TENM2: variants seen among roughly 807,000 people sequenced by gnomAD.
The protein encoded by TENM2 is teneurin-2.
A neutral mutation model predicts 245.2 loss-of-function variants in TENM2; 52 were observed. The ratio of observed to expected loss-of-function variants is 0.21; its 90% CI spans 0.17 to 0.27. TENM2 has a LOEUF of 0.27. TENM2 is among the 10% of genes least tolerant of loss of function. The probability of loss-of-function intolerance (pLI) is 1.00; values close to 1 mark genes in which losing one functional copy is unlikely to be tolerated. For synonymous variants in TENM2, 1,363 were observed against 1,438.9 expected (o/e 0.95, Z 1.19); for missense variants, 3,046 against 3,666.8 (o/e 0.83, Z 4.37).
At chr5:168,073,752 G>A (rs963320831) in intron 7 of TENM2, among the ~76,000 whole-genome samples, 1 of 152,162 alleles carries the variant, frequency 6.6e-6, no homozygotes, top group East Asian at 1.9e-4. Flanking sequence ...CGAGACTTAC[G>A]GTTTCTAACT....
chr5:167,626,855 G>T (rs551141900), intron 2 of TENM2, among the ~76,000 whole-genome samples: 1 of 152,252 alleles, frequency 6.6e-6, no homozygotes, highest in East Asian at 1.9e-4. Context: ...TTCTGTAGCT[G>T]CATCCCCAAA....
rs59536770 is a variant in TENM2, at chr5:168,122,173, T to TTTTTGTTTTG, written c.2009-2667_2009-2658dup. On this transcript the variant is annotated intron_variant, in intron 10 of 28. Transcript: ENST00000518659. ...AAAGGCCCTGCACAGACCTTTGTCTTTTTTGTTTTGTTTTGTTTTTTGAGA... is the reference window on the plus strand; with the variant it reads ...AAAGGCCCTGCACAGACCTTTGTCTTTTTTGTTTTGTTTTGTTTTGTTTTGTTTTTTGAGA... 8.4e-4 allele frequency among the ~76,000 whole-genome samples: 128 copies of TTTTTGTTTTG among 151,730 alleles called. No homozygotes were observed. The East Asian group carries it at 0.023, about 27-fold the overall frequency.
At chr5:167,644,056 T>G (rs989999530) in intron 2 of TENM2, among the ~76,000 whole-genome samples, 2 of 152,194 alleles carry the variant, frequency 1.3e-5, no homozygotes, top group Non-Finnish European at 2.9e-5. Flanking sequence ...TGCAATATAG[T>G]TACCCTCTCA....
chr5:167,083,623 G>A, the TENM2 span, among the ~76,000 whole-genome samples: 97 of 152,192 alleles, frequency 6.4e-4, 1 homozygote, highest in African/African-American at 2.1e-3. Context: ...GTGAAATGCC[G>A]GTAGCACAAA....
intron 2 of TENM2, among the ~76,000 whole-genome samples, chr5:167,814,139 A>C (rs769802203): frequency 6.6e-6 from 1 of 152,158 alleles, no homozygotes. Flanking sequence ...CCAGGGGCCA[A>C]TTGCTAATGC....
chr5:167,941,372 C>A (rs1479312449), intron 3 of TENM2, among the ~76,000 whole-genome samples: 2 of 152,146 alleles, frequency 1.3e-5, no homozygotes, highest in Non-Finnish European at 2.9e-5. Context: ...CATTGTCCAC[C>A]ATTGGACAGT....
intron 7 of TENM2, among the ~76,000 whole-genome samples, chr5:168,084,125 G>A (rs189723591): frequency 1.1e-4 from 16 of 152,272 alleles, no homozygotes; most frequent in Middle Eastern, 3.4e-3. Flanking sequence ...ATAGTATTCC[G>A]TGGTGTATAT....
At chr5:167,756,391 C>T (rs968330537) in intron 2 of TENM2, among the ~76,000 whole-genome samples, 6 of 152,102 alleles carry the variant, frequency 3.9e-5, no homozygotes, top group Admixed American at 2.0e-4. Flanking sequence ...GGTTTAGGAA[C>T]GTGGGTTCCT....
intron 2 of TENM2, among the ~76,000 whole-genome samples, chr5:167,858,729 G>A (rs1031058281): frequency 2.7e-5 from 4 of 150,854 alleles, no homozygotes. Flanking sequence ...GCGACCGACC[G>A]CAGCCGCCGC....
At chr5:167,475,094 G>A (rs919499166) in intron 2 of TENM2, among the ~76,000 whole-genome samples, 1 of 152,156 alleles carries the variant, frequency 6.6e-6, no homozygotes, top group African/African-American at 2.4e-5. Context: ...TGCAATATTT[G>A]TTTTCTAAGG....
At chr5:167,531,702 G>A (rs1225011844) in intron 2 of TENM2, among the ~76,000 whole-genome samples, 7 of 148,768 alleles carry the variant, frequency 4.7e-5, no homozygotes, top group East Asian at 4.1e-4. Context: ...CAGATTCCAC[G>A]TGTAAGTGAG....
At chr5:167,276,162 T>G in the TENM2 span, among the ~76,000 whole-genome samples, 1 of 152,182 alleles carries the variant, frequency 6.6e-6, no homozygotes, top group South Asian at 2.1e-4. Flanking sequence ...TTTCTTTTCT[T>G]TCTTTCTTTT....
exon 29 of TENM2, chr5:168,262,186 C>A (rs1190742853): frequency 1.2e-6 from 2 of 1,612,010 alleles, no homozygotes; most frequent in Non-Finnish European, 1.7e-6. Flanking sequence ...CCACGCCCAT[C>A]ATTGGCAAAG....
chr5:167,067,872 G>A, the TENM2 span, among the ~76,000 whole-genome samples: 6 of 152,270 alleles, frequency 3.9e-5, no homozygotes, highest in African/African-American at 9.6e-5. Context: ...CTAGCTTGAG[G>A]ATATCAATGA....
intron 1 of TENM2, among the ~76,000 whole-genome samples, chr5:167,304,128 T>C (rs546436757): frequency 6.6e-6 from 1 of 152,280 alleles, no homozygotes; most frequent in South Asian, 2.1e-4. Context: ...GTGCAGAAAG[T>C]TAGCAGCTGT....
At chr5:167,740,804 T>C (rs1761128496) in intron 2 of TENM2, among the ~76,000 whole-genome samples, 1 of 152,178 alleles carries the variant, frequency 6.6e-6, no homozygotes, top group Non-Finnish European at 1.5e-5. Context: ...AATATATTCC[T>C]AACCTCATTT....
chr5:167,824,510 G>A (rs1767800336), intron 2 of TENM2, among the ~76,000 whole-genome samples: 1 of 152,162 alleles, frequency 6.6e-6, no homozygotes. Context: ...TCTCCTGGAA[G>A]CCAAGGGGCA....
intron 19 of TENM2, among the ~76,000 whole-genome samples, chr5:168,207,220 A>C (rs7700672): frequency 0.29 from 44,177 of 152,058 alleles, 9,225 homozygotes; most frequent in African/African-American, 0.59. Context: ...CCTTTTAAGT[A>C]CTAGAGGAGG....
chr5:167,726,473 T>C (rs1045540031), intron 2 of TENM2, among the ~76,000 whole-genome samples: 8 of 152,182 alleles, frequency 5.3e-5, no homozygotes, highest in Admixed American at 5.2e-4. Flanking sequence ...TATTTATTAT[T>C]TTTAGAGACA....
Sources: gnomAD v4.1 joint callset for allele counts (sites outside exome capture counted in the v4.1 genomes callset) on GRCh38, gnomAD v4.1.1 for gene constraint, MANE v1.5 for transcripts, NCBI Gene and HGNC (gene_info 2026-07-23, HGNC 2026-07-21) for gene names.